LRRTM4: variants seen among roughly 807,000 people sequenced by gnomAD.
The protein encoded by LRRTM4 is leucine rich repeat transmembrane neuronal 4.
Under a neutral mutation model 47.6 loss-of-function variants are expected in LRRTM4, and 25 were observed. The observed-to-expected ratio is 0.53, with a 90% CI of 0.38 to 0.73. The LOEUF (loss-of-function observed/expected upper bound fraction) is 0.73, where lower values mean the gene tolerates loss of function less well. Ranked by LOEUF, LRRTM4 falls within the 30% of genes least tolerant of loss-of-function variation. The probability of loss-of-function intolerance (pLI) is 0.00; values close to 1 mark genes in which losing one functional copy is unlikely to be tolerated. For missense variants in LRRTM4, 638 were observed against 713.4 expected, an observed-to-expected ratio of 0.89 and a Z score of 1.20; for synonymous variants, 311 against 269.5, an observed-to-expected ratio of 1.15 and a Z score of -1.51.
intron 3 of LRRTM4, among the ~76,000 whole-genome samples, chr2:76,949,157 A>T (rs2103881627): frequency 6.6e-6 from 1 of 152,016 alleles, no homozygotes; most frequent in Non-Finnish European, 1.5e-5. Flanking sequence ...CTTACATTAC[A>T]GAATCTCTGT....
intron 3 of LRRTM4, among the ~76,000 whole-genome samples, chr2:77,213,568 A>C (rs537908868): frequency 2.0e-5 from 3 of 152,302 alleles, no homozygotes; most frequent in Middle Eastern, 3.4e-3. Context: ...ATTATACTGC[A>C]CAAGGATTTG....
intron 3 of LRRTM4, among the ~76,000 whole-genome samples, chr2:76,789,993 C>T (rs775173585): frequency 8.5e-5 from 13 of 152,228 alleles, no homozygotes; most frequent in Non-Finnish European, 1.2e-4. Context: ...AGGTGTGTGT[C>T]GTTACAGGAC....
intron 3 of LRRTM4, among the ~76,000 whole-genome samples, chr2:77,244,025 G>A (rs1321144786): frequency 7.9e-6 from 1 of 127,362 alleles, no homozygotes; most frequent in East Asian, 2.1e-4. Flanking sequence ...GCGGTGTTTG[G>A]TTTTTTGTTC....
At chr2:77,043,811 G>A (rs1442509592) in intron 3 of LRRTM4, among the ~76,000 whole-genome samples, 1 of 151,500 alleles carries the variant, frequency 6.6e-6, no homozygotes, top group Non-Finnish European at 1.5e-5. Flanking sequence ...AATAACTAAC[G>A]AATGTAAAGC....
chr2:76,850,799 G>T (rs942871332), intron 3 of LRRTM4, among the ~76,000 whole-genome samples: 21 of 152,062 alleles, frequency 1.4e-4, no homozygotes, highest in African/African-American at 4.6e-4. Flanking sequence ...GCTAATGTTT[G>T]ACTGATTCTC....
At chr2:77,387,793 T>G (rs1573347589) in intron 3 of LRRTM4, among the ~76,000 whole-genome samples, 1 of 152,180 alleles carries the variant, frequency 6.6e-6, no homozygotes, top group South Asian at 2.1e-4. Context: ...AGGAAAACGG[T>G]AATGGGTTGG....
intron 3 of LRRTM4, among the ~76,000 whole-genome samples, chr2:76,947,671 A>G (rs1285377577): frequency 6.6e-6 from 1 of 151,812 alleles, no homozygotes; most frequent in Non-Finnish European, 1.5e-5. Flanking sequence ...ATGATCACAC[A>G]TATCCACACA....
In LRRTM4 at chr2:76,905,535, G is replaced by C. The variant is rs1289527759; in HGVS notation, c.1552-156619C>G. 3.3e-5 allele frequency among the ~76,000 whole-genome samples: 5 copies of C among 152,116 alleles called. No individual in the cohort carries two copies. In the South Asian group the frequency reaches 8.3e-4, roughly 25 times the overall value. On this transcript the variant is annotated intron_variant, in intron 3 of 3. Coordinates refer to ENST00000409884, the MANE Select transcript of LRRTM4 (RefSeq NM_001134745.3). ...GACGAGTTGAGAGAAGAAGGCTTCA[G>C]ACGATCAAACTACGAGCTACAGGAG...
At chr2:76,805,695 G>C (rs1006906579) in intron 3 of LRRTM4, among the ~76,000 whole-genome samples, 1 of 152,022 alleles carries the variant, frequency 6.6e-6, no homozygotes, top group African/African-American at 2.4e-5. Flanking sequence ...TACTAATGAC[G>C]CATACCATGT....
intron 3 of LRRTM4, among the ~76,000 whole-genome samples, chr2:77,154,268 T>C (rs1468174678): frequency 2.0e-5 from 3 of 152,194 alleles, no homozygotes; most frequent in Admixed American, 1.3e-4. Context: ...AGGCAAACTA[T>C]TCAGAGTTTT....
At chr2:77,511,371 T>A (rs1191903680) in intron 3 of LRRTM4, among the ~76,000 whole-genome samples, 3 of 152,040 alleles carry the variant, frequency 2.0e-5, no homozygotes, top group Non-Finnish European at 4.4e-5. Flanking sequence ...GAGTGTTTAA[T>A]CGTATATAGC....
At chr2:77,139,969 A>G (rs1430271860) in intron 3 of LRRTM4, among the ~76,000 whole-genome samples, 4 of 152,180 alleles carry the variant, frequency 2.6e-5, no homozygotes, top group Admixed American at 2.6e-4. Flanking sequence ...TCAATGAAAT[A>G]AAAGAGGACC....
chr2:77,044,442 G>A (rs1436768644), intron 3 of LRRTM4, among the ~76,000 whole-genome samples: 1 of 151,684 alleles, frequency 6.6e-6, no homozygotes, highest in African/African-American at 2.4e-5. Flanking sequence ...TGAAAAGAGA[G>A]ATATACTAAA....
intron 3 of LRRTM4, among the ~76,000 whole-genome samples, chr2:77,473,216 T>C (rs1470632230): frequency 6.6e-6 from 1 of 152,172 alleles, no homozygotes; most frequent in South Asian, 2.1e-4. Flanking sequence ...TAAAAGCAAT[T>C]TGTAAAGGGC....
At chr2:77,394,099 C>A (rs1162928109) in intron 3 of LRRTM4, among the ~76,000 whole-genome samples, 1 of 151,674 alleles carries the variant, frequency 6.6e-6, no homozygotes, top group African/African-American at 2.4e-5. Context: ...TGTAATGTAG[C>A]TGTAGGTTTA....
chr2:76,992,544 A>T (rs1468941702), intron 3 of LRRTM4, among the ~76,000 whole-genome samples: 3 of 151,858 alleles, frequency 2.0e-5, no homozygotes. Flanking sequence ...AGAAAATGAA[A>T]TATCTAGGAA....
intron 3 of LRRTM4, among the ~76,000 whole-genome samples, chr2:77,314,822 T>G (rs755961749): frequency 1.1e-4 from 17 of 152,202 alleles, no homozygotes; most frequent in Non-Finnish European, 2.2e-4. Context: ...GATCTTTTTC[T>G]GGGCTAGCAA....
intron 3 of LRRTM4, among the ~76,000 whole-genome samples, chr2:77,389,468 T>C (rs1392441852): frequency 6.6e-6 from 1 of 152,124 alleles, no homozygotes. Context: ...GGTGAGTAAC[T>C]TCAAACAGTT....
chr2:77,078,455 G>T (rs572050894), intron 3 of LRRTM4, among the ~76,000 whole-genome samples: 4 of 152,080 alleles, frequency 2.6e-5, no homozygotes, highest in African/African-American at 9.6e-5. Context: ...AGAGGAATTA[G>T]CGATAAAGTG....
Sources: gnomAD v4.1 joint callset for allele counts (sites outside exome capture counted in the v4.1 genomes callset) on GRCh38, gnomAD v4.1.1 for gene constraint, MANE v1.5 for transcripts, NCBI Gene and HGNC (gene_info 2026-07-23, HGNC 2026-07-21) for gene names.